Variants in FBN2 observed in about 807,000 individuals in gnomAD.
FBN2 encodes fibrillin 2, also known as fibrillin-2.
In FBN2, 105 loss-of-function variants were observed where a neutral mutation model predicts 355.6. That is an observed-to-expected ratio of 0.30 (90% CI 0.25 to 0.35). The LOEUF (loss-of-function observed/expected upper bound fraction) is 0.35, where lower values mean the gene tolerates loss of function less well. FBN2 is among the 10% of genes least tolerant of loss of function. The pLI is 1.00. For synonymous variants in FBN2, 1,350 were observed against 1,301.2 expected (o/e 1.04, Z -0.81); for missense variants, 3,280 against 3,758.7 (o/e 0.87, Z 3.33).
intron 5 of FBN2, among the ~76,000 whole-genome samples, chr5:128,501,692 C>CA (rs1273579822): frequency 6.6e-6 from 1 of 151,796 alleles, no homozygotes; most frequent in East Asian, 1.9e-4. Context: ...TCTAAATGAT[C>CA]AAACAAAACA....
intron 11 of FBN2, among the ~76,000 whole-genome samples, chr5:128,388,399 A>C (rs331071): frequency 3.3e-5 from 5 of 152,204 alleles, no homozygotes; most frequent in East Asian, 1.9e-4. Context: ...GGAGGTTGTT[A>C]TACAGATTTA....
chr5:128,511,959 C>G (rs1378474057), intron 5 of FBN2, among the ~76,000 whole-genome samples: 1 of 152,108 alleles, frequency 6.6e-6, no homozygotes, highest in Non-Finnish European at 1.5e-5. Context: ...AAGACATTTT[C>G]AAAAGACCAG....
intron 6 of FBN2, among the ~76,000 whole-genome samples, chr5:128,455,626 G>C (rs1444738795): frequency 2.0e-5 from 3 of 152,042 alleles, no homozygotes; most frequent in Non-Finnish European, 4.4e-5. Context: ...CATCAAAGTT[G>C]ACTAGAAGGC....
chr5:128,310,227 G>A, intron 39 of FBN2, 119 bp from the exon 40 acceptor site: 1 of 839,150 alleles, frequency 1.2e-6, no homozygotes, highest in Non-Finnish European at 1.9e-6. Context: ...GCAAAACTTA[G>A]AAATAAAGAA....
intron 5 of FBN2, among the ~76,000 whole-genome samples, chr5:128,483,773 A>G (rs533861511): frequency 1.3e-5 from 2 of 152,304 alleles, no homozygotes; most frequent in East Asian, 3.9e-4. Context: ...ATTTCATATA[A>G]ATCAATGGTT....
At chr5:128,329,294 C>T (rs1214585083) in intron 33 of FBN2, among the ~76,000 whole-genome samples, 2 of 152,130 alleles carry the variant, frequency 1.3e-5, no homozygotes, top group Admixed American at 1.3e-4. Flanking sequence ...AAGTTTCTTT[C>T]ATGTCATTAC....
At chr5:128,287,836 G>A (rs1749199869) in intron 53 of FBN2, among the ~76,000 whole-genome samples, 1 of 152,096 alleles carries the variant, frequency 6.6e-6, no homozygotes, top group Non-Finnish European at 1.5e-5. Context: ...GGGCAACCAA[G>A]TCTGCTAAAG....
intron 5 of FBN2, among the ~76,000 whole-genome samples, chr5:128,493,614 G>A (rs929406235): frequency 4.6e-5 from 7 of 152,040 alleles, no homozygotes; most frequent in African/African-American, 1.4e-4. Context: ...TATACTAACA[G>A]GAAATCCATG....
rs373185175 is a variant in FBN2 at position 128,317,601 on chromosome 5, T to G, written c.4717+548A>C. 9.2e-5 allele frequency among the ~76,000 whole-genome samples: 14 copies of G among 152,240 alleles called. 1 individual carries two copies. Among genetic ancestry groups the G allele is most frequent in the South Asian group, 4.1e-4 (2 of 4,824 alleles). ...CATTTCCTTCTCTAGGAAAATACAG[T>G]AACAGTGCAGATAGTAAAAGCTGGA... On this transcript the variant is annotated intron_variant, in intron 36 of 64. Transcript: ENST00000262464.
chr5:128,528,044 T>A lies in FBN2; in HGVS notation c.437-77A>T, dbSNP rs1319493744. The A allele has an allele frequency of 7.9e-6, 7 of 887,932 alleles. No individual in the cohort carries two copies. In the South Asian group the frequency reaches 8.3e-5, roughly 11 times the overall value. The allele number at this position is 887,932 out of a possible 1,614,324, so 55.0% of individuals were successfully genotyped here. On this transcript the variant is annotated intron_variant, in intron 3 of 64. Coordinates refer to ENST00000262464, the MANE Select transcript of FBN2 (RefSeq NM_001999.4). ...GTATATGTGAGAGGTTATAAAACTA[T>A]AAACTCAATTATCCAATTCAATGAC...
chr5:128,487,166 A>G (rs1219709715), intron 5 of FBN2, among the ~76,000 whole-genome samples: 4 of 152,200 alleles, frequency 2.6e-5, no homozygotes, highest in Non-Finnish European at 4.4e-5. Context: ...TTAAGGACCA[A>G]TGTGCAAGTC....
At chr5:128,288,227 T>C (rs1057288177) in intron 53 of FBN2, among the ~76,000 whole-genome samples, 3 of 152,162 alleles carry the variant, frequency 2.0e-5, no homozygotes, top group East Asian at 1.9e-4. Context: ...ACCCAGATGC[T>C]GGAATGATCA....
In FBN2 at chr5:128,385,156, C is replaced by T. The variant is rs528852758; in HGVS notation, c.1604-6266G>A. On this transcript the variant is annotated intron_variant, in intron 11 of 64. Transcript: ENST00000262464. ...GTTTGTTGTAAAGATTATTTCATCA[C>T]CCATGTAATAAGCCTAGTGCCTGAT... is the stretch of plus-strand genomic sequence containing the variant. Among the ~76,000 whole-genome samples the T allele has an allele frequency of 4.6e-5, 7 of 152,178 alleles. No homozygotes were observed. In the South Asian group the frequency reaches 1.2e-3, roughly 27 times the overall value.
intron 7 of FBN2, among the ~76,000 whole-genome samples, chr5:128,438,087 C>A (rs920208562): frequency 6.6e-5 from 10 of 152,282 alleles, no homozygotes; most frequent in Admixed American, 5.9e-4. Context: ...GCCTCCTGGG[C>A]TTAGGTGATC....
intron 8 of FBN2, among the ~76,000 whole-genome samples, chr5:128,408,038 A>G (rs1324255084): frequency 6.6e-6 from 1 of 152,208 alleles, no homozygotes; most frequent in Non-Finnish European, 1.5e-5. Flanking sequence ...TGTCAGCTTA[A>G]AATTGGAATA....
intron 7 of FBN2, 31 bp downstream of exon 7, chr5:128,446,450 T>C (rs1453619277): frequency 2.5e-6 from 4 of 1,611,564 alleles, no homozygotes; most frequent in East Asian, 4.5e-5. Flanking sequence ...AAGTCACAAT[T>C]AGGCATGCTT....
intron 2 of FBN2, among the ~76,000 whole-genome samples, chr5:128,532,057 C>G (rs1031991260): frequency 6.6e-5 from 10 of 152,120 alleles, no homozygotes; most frequent in Non-Finnish European, 8.8e-5. Context: ...TCACAGGAGA[C>G]AGACAACATG....
At chr5:128,462,358 T>C (rs770259156) in intron 6 of FBN2, among the ~76,000 whole-genome samples, 1 of 152,142 alleles carries the variant, frequency 6.6e-6, no homozygotes, top group East Asian at 1.9e-4. Context: ...CAGGAAACAG[T>C]CTAGGAATTT....
At chr5:128,291,498 A>C in intron 49 of FBN2, 31 bp downstream of exon 49, 1 of 1,612,876 alleles carries the variant, frequency 6.2e-7, no homozygotes, top group Non-Finnish European at 8.5e-7. Context: ...CTAAGCGTGA[A>C]CTGTGACAGT....
Sources: allele counts gnomAD v4.1 joint callset (sites outside exome capture counted in the v4.1 genomes callset), GRCh38; gene constraint gnomAD v4.1.1; transcripts MANE v1.5; gene names NCBI Gene and HGNC (gene_info 2026-07-23, HGNC 2026-07-21).